OLFM3: variants seen among roughly 807,000 people sequenced by gnomAD.
OLFM3 encodes olfactomedin 3, also known as noelin-3.
OLFM3 carries 20 observed loss-of-function variants against 48.6 expected under a neutral mutation model. The observed-to-expected ratio is 0.41, with a 90% CI of 0.29 to 0.60. The LOEUF (loss-of-function observed/expected upper bound fraction) is 0.60. OLFM3 is among the 20% of genes least tolerant of loss of function. The pLI, the probability that OLFM3 is intolerant of heterozygous loss-of-function variation, is 0.28. For missense variants in OLFM3, 437 were observed against 544.3 expected, an observed-to-expected ratio of 0.80 and a Z score of 1.96; for synonymous variants, 222 against 198.1, an observed-to-expected ratio of 1.12 and a Z score of -1.01.
chr1:101,882,062 A>T (rs1020106261), intron 1 of OLFM3, among the ~76,000 whole-genome samples: 2 of 151,052 alleles, frequency 1.3e-5, no homozygotes, highest in African/African-American at 4.9e-5. Context: ...TTATTAGAAA[A>T]GAAAAAAAAG....
chr1:101,830,120 G>A (rs1570533350), intron 3 of OLFM3, among the ~76,000 whole-genome samples: 1 of 152,088 alleles, frequency 6.6e-6, no homozygotes, highest in South Asian at 2.1e-4. Flanking sequence ...TTACAGGCGT[G>A]AGCCACCACG....
intron 4 of OLFM3, among the ~76,000 whole-genome samples, chr1:101,806,519 A>T (rs763649114): frequency 1.3e-5 from 2 of 151,840 alleles, no homozygotes; most frequent in Non-Finnish European, 2.9e-5. Context: ...CAAATGAAGC[A>T]AATTGCCCAT....
chr1:101,875,573 T>C (rs1657264874), intron 1 of OLFM3, among the ~76,000 whole-genome samples: 1 of 151,932 alleles, frequency 6.6e-6, no homozygotes, highest in East Asian at 1.9e-4. Context: ...AAAAATAAAA[T>C]GTATATTCTA....
intron 4 of OLFM3, among the ~76,000 whole-genome samples, chr1:101,815,709 T>G (rs753679024): frequency 1.1e-4 from 16 of 152,116 alleles, no homozygotes; most frequent in Non-Finnish European, 2.4e-4. Context: ...GAGGGAGGAA[T>G]GGGTTTGGGA....
At position 101,804,709 on chromosome 1, in the gene OLFM3, C is replaced by A. The variant is rs759845088; in HGVS notation, c.906G>T (p.Val302=). The change falls in exon 6 of 6, where the codon GTG becomes GTT. Residue 302 remains valine, a synonymous_variant. Transcript: ENST00000370103. This position sits in a 1 kb window ranked among gnomAD's most constrained non-coding sequence, Gnocchi z 4.5. ...CATACTCCAGGCTTCGTTGGGCAAG[C>A]ACTCTCCCCATATCAAAGCTGTATT... ...IIKYSFDMGR[V]LAQRSLEYAG... 5 of 1,612,618 alleles carry A rather than the reference C, an allele frequency of 3.1e-6. No homozygotes were observed. The highest frequency in any genetic ancestry group is 1.1e-5 in the South Asian group (1 of 91,044).
intron 1 of OLFM3, among the ~76,000 whole-genome samples, chr1:101,949,066 T>C (rs958618384): frequency 1.3e-5 from 2 of 151,788 alleles, no homozygotes; most frequent in Non-Finnish European, 2.9e-5. Flanking sequence ...AATGAAATTA[T>C]ATATCTTATA....
intron 1 of OLFM3, among the ~76,000 whole-genome samples, chr1:101,957,144 C>A (rs1342530600): frequency 6.6e-6 from 1 of 151,820 alleles, no homozygotes; most frequent in Non-Finnish European, 1.5e-5. Flanking sequence ...CATTGAGAGG[C>A]CAAATAAAAC....
chr1:101,987,532 C>G (rs991651969), intron 1 of OLFM3, among the ~76,000 whole-genome samples: 1 of 152,008 alleles, frequency 6.6e-6, no homozygotes. Context: ...AAAATAATGA[C>G]TGTTGGTCCT....
chr1:101,878,151 C>T (rs11809595), intron 1 of OLFM3, among the ~76,000 whole-genome samples: 3,415 of 151,808 alleles, frequency 0.022, 146 homozygotes, highest in African/African-American at 0.078. Flanking sequence ...TTTGGAGAGA[C>T]CCAAAGCTGG....
intron 1 of OLFM3, among the ~76,000 whole-genome samples, chr1:101,864,760 C>T (rs551348248): frequency 2.0e-5 from 3 of 152,140 alleles, no homozygotes; most frequent in Non-Finnish European, 4.4e-5. Flanking sequence ...GAACTTCACT[C>T]ATCTCAGTGG....
intron 1 of OLFM3, among the ~76,000 whole-genome samples, chr1:101,884,471 T>C (rs1657663124): frequency 6.6e-6 from 1 of 151,518 alleles, no homozygotes; most frequent in Non-Finnish European, 1.5e-5. Flanking sequence ...ATAAGTGCCC[T>C]ATTCTGAAAA....
chr1:101,895,791 T>C (rs929294276), intron 1 of OLFM3, among the ~76,000 whole-genome samples: 1 of 151,738 alleles, frequency 6.6e-6, no homozygotes, highest in African/African-American at 2.4e-5. Context: ...TTATAATTTT[T>C]ATGTTACACT....
chr1:101,987,518 T>C (rs758536942), intron 1 of OLFM3, among the ~76,000 whole-genome samples: 26 of 152,164 alleles, frequency 1.7e-4, no homozygotes, highest in African/African-American at 6.0e-4. Flanking sequence ...CTTACGTACA[T>C]GTAAAAATAA....
chr1:101,959,034 C>T (rs1220532319), intron 1 of OLFM3, among the ~76,000 whole-genome samples: 1 of 151,862 alleles, frequency 6.6e-6, no homozygotes, highest in African/African-American at 2.4e-5. Context: ...CTTTGACCAA[C>T]ATCTCCCCAT....
At chr1:101,992,304 G>A (rs1053925076) in intron 1 of OLFM3, among the ~76,000 whole-genome samples, 1 of 152,158 alleles carries the variant, frequency 6.6e-6, no homozygotes, top group Non-Finnish European at 1.5e-5. Flanking sequence ...GTTGCCAAGA[G>A]AAAGAGTGAG....
chr1:101,907,590 G>T (rs929005138), intron 1 of OLFM3, among the ~76,000 whole-genome samples: 2 of 152,346 alleles, frequency 1.3e-5, no homozygotes, highest in South Asian at 4.1e-4. Context: ...TGATGTCAGA[G>T]TATGTTCCAA....
At chr1:101,974,112 G>A (rs761884663) in intron 1 of OLFM3, among the ~76,000 whole-genome samples, 8 of 149,452 alleles carry the variant, frequency 5.4e-5, no homozygotes, top group South Asian at 4.2e-4. Context: ...TCCCTAACTC[G>A]TAGATAACAC....
At position 101,804,564 on chromosome 1, in the gene OLFM3, T is replaced by A. The variant is rs1653669062; in HGVS notation, c.1051A>T (p.Ile351Phe). The stretch of plus-strand genomic sequence containing the variant: ...AAGGTATCTTGGTTAAGTTGGCTGA[T>A]GACAATATTGCCTGCATTCTGGTTA... The part of the protein sequence containing the change: ...ATNQNAGNIV[I>F]SQLNQDTLEV... The change falls in exon 6 of 6, where the codon ATC becomes TTC. Residue 351 changes from isoleucine (I) to phenylalanine (F), a missense_variant. Around this residue, in one of 3 missense-constraint regions of OLFM3, gnomAD observed 108 missense variants for 135.8 expected, o/e 0.80. Transcript: ENST00000370103. This position sits in a 1 kb window ranked among gnomAD's most constrained non-coding sequence, Gnocchi z 4.5. 6.2e-7 allele frequency: 1 copy of A among 1,612,632 alleles called. No homozygotes were observed.
intron 1 of OLFM3, chr1:101,893,878 A>C (rs1658096352): frequency 6.5e-6 from 1 of 154,074 alleles, no homozygotes; most frequent in South Asian, 2.0e-4. Context: ...AGAGTAAAGA[A>C]GTAGAAGAGA....
Sources: allele counts gnomAD v4.1 joint callset (sites outside exome capture counted in the v4.1 genomes callset), GRCh38; gene constraint gnomAD v4.1.1; regional missense constraint gnomAD v4.1.1; non-coding constraint Gnocchi (gnomAD v3.1); transcripts MANE v1.5; gene names NCBI Gene and HGNC (gene_info 2026-07-23, HGNC 2026-07-21).